Variants in POLR2B observed in about 807,000 individuals in gnomAD.
POLR2B encodes DNA-directed RNA polymerase II subunit RPB2.
POLR2B carries 57 observed loss-of-function variants against 144.6 expected under a neutral mutation model. The observed-to-expected ratio is 0.39, with a 90% CI of 0.32 to 0.49. The LOEUF (loss-of-function observed/expected upper bound fraction) is 0.49. Ranked by LOEUF, POLR2B falls within the 20% of genes least tolerant of loss-of-function variation. The probability of loss-of-function intolerance (pLI) is 0.83; values close to 1 mark genes in which losing one functional copy is unlikely to be tolerated. For missense variants in POLR2B, 595 were observed against 1,467.4 expected (o/e 0.41, Z 9.71); for synonymous variants, 442 against 469.8 (o/e 0.94, Z 0.77).
rs939618093 is a variant in POLR2B at position 57,027,118 on chromosome 4, C to T, written c.3239+1581C>T. On this transcript the variant is annotated intron_variant, in intron 23 of 24. Transcript: ENST00000314595. ...CCGCCTCCCGGATTCAAGCAATTCT[C>T]GTGCCTCGGCCTCCCAAGTAGCTGG... is the stretch of plus-strand genomic sequence containing the variant. Among the ~76,000 whole-genome samples, 7 of 152,028 alleles carry T rather than the reference C, an allele frequency of 4.6e-5. No homozygotes were observed. The East Asian group carries it at 7.8e-4, about 17-fold the overall frequency.
chr4:56,998,221 A>ATTT (rs71657245), intron 6 of POLR2B, among the ~76,000 whole-genome samples: 2 of 143,186 alleles, frequency 1.4e-5, no homozygotes, highest in Non-Finnish European at 1.5e-5. Context: ...TTTTCTTTAA[A>ATTT]TTTTTTTTTT....
Position 57,031,141 on chromosome 4 carries a change from A to G in POLR2B, c.*153A>G. ...TGCTTTTCTTCTGTAAATATATAAT[A>G]AATTTTTGTAGATAGTCTTGATGTG... On this transcript the variant is annotated 3_prime_UTR_variant, in exon 25 of 25. Coordinates refer to ENST00000314595, the MANE Select transcript of POLR2B (RefSeq NM_000938.3). The G allele has an allele frequency of 1.4e-6, 1 of 716,456 alleles. No individual in the cohort carries two copies. Among genetic ancestry groups the G allele is most frequent in the Non-Finnish European group, 2.4e-6 (1 of 418,336 alleles). 44.4% of individuals were successfully genotyped at this position (716,456 alleles called of 1,614,324 possible).
At chr4:57,008,148 C>T (rs919882895) in intron 10 of POLR2B, among the ~76,000 whole-genome samples, 1 of 151,804 alleles carries the variant, frequency 6.6e-6, no homozygotes, top group Non-Finnish European at 1.5e-5. Context: ...GTGTAGCTCA[C>T]TATGCCCTGT....
At chr4:56,996,375 GGTTCAC>G (rs1264393566) in intron 6 of POLR2B, among the ~76,000 whole-genome samples, 1 of 147,338 alleles carries the variant, frequency 6.8e-6, no homozygotes, top group African/African-American at 2.5e-5. Context: ...CCGCCTCCTG[GGTTCAC>G]GCCATTCTCC....
At position 57,030,802 on chromosome 4, in the gene POLR2B, A is replaced by T. The variant is rs893588213; in HGVS notation, c.3436-97A>T. ...TGTTCTCAGCTCCACTCATTTATTC[A>T]TTATCTACAGTACCAGATCTTTGTC... is the stretch of plus-strand genomic sequence containing the variant. On this transcript the variant is annotated intron_variant, in intron 24 of 24. Coordinates refer to ENST00000314595, the MANE Select transcript of POLR2B (RefSeq NM_000938.3). The T allele has an allele frequency of 9.7e-6, 7 of 721,108 alleles. No homozygotes were observed. The African/African-American group carries it at 1.2e-4, about 13-fold the overall frequency. The allele number at this position is 721,108 out of a possible 1,614,324, so 44.7% of individuals were successfully genotyped here.
At chr4:56,983,925 C>T (rs1439657577) in intron 1 of POLR2B, among the ~76,000 whole-genome samples, 1 of 150,856 alleles carries the variant, frequency 6.6e-6, no homozygotes, top group Non-Finnish European at 1.5e-5. Flanking sequence ...AGTGCAGTGG[C>T]GTGATCTCGG....
chr4:56,983,248 A>G (rs1191720490), intron 1 of POLR2B, among the ~76,000 whole-genome samples: 1 of 151,750 alleles, frequency 6.6e-6, no homozygotes, highest in Non-Finnish European at 1.5e-5. Context: ...CCTGTCTTGC[A>G]TTATGGGGTC....
intron 2 of POLR2B, 119 bp from the exon 3 acceptor site, chr4:56,990,629 A>G: frequency 1.2e-6 from 1 of 816,712 alleles, no homozygotes. Context: ...GTTGACATAT[A>G]ATGGTTGGTA....
Position 56,986,403 on chromosome 4 carries a change from A to C in POLR2B, c.69A>C (p.Gln23His). The change falls in exon 2 of 25, where the codon CAA becomes CAC. Residue 23 changes from glutamine (Q) to histidine (H), a missense_variant. Gln to His is a conservative substitution (Grantham distance 24). Around this residue, in one of 9 missense-constraint regions of POLR2B, gnomAD observed 251 missense variants for 567.3 expected, o/e 0.44. Coordinates refer to ENST00000314595, the MANE Select transcript of POLR2B (RefSeq NM_000938.3). ...ATGAAATCACCCCGGATTTGTGGCA[A>C]GAAGCATGCTGGATTGTAATCAGGT... ...DDDEITPDLW[Q>H]EACWIVISSY... 6.2e-7 allele frequency: 1 copy of C among 1,612,540 alleles called. No individual in the cohort carries two copies.
chr4:57,018,053 G>T (rs1723424416), intron 16 of POLR2B, among the ~76,000 whole-genome samples: 1 of 152,086 alleles, frequency 6.6e-6, no homozygotes, highest in African/African-American at 2.4e-5. Flanking sequence ...TTAAGCAAGG[G>T]CCCAGATGGA....
At chr4:57,020,383 C>G (rs11727683) in intron 16 of POLR2B, among the ~76,000 whole-genome samples, 9,575 of 151,966 alleles carry the variant, frequency 0.063, 543 homozygotes, top group East Asian at 0.21. Context: ...TTGGCAGCAG[C>G]AACTAAGAAT....
At chr4:56,995,584 C>T (rs55933616) in intron 6 of POLR2B, among the ~76,000 whole-genome samples, 175 bp downstream of exon 6, 6 of 152,350 alleles carry the variant, frequency 3.9e-5, no homozygotes, top group East Asian at 1.9e-4. Flanking sequence ...TATCATCTCA[C>T]GGCTTCTGTG....
chr4:57,001,981 A>G (rs552265411), intron 7 of POLR2B, among the ~76,000 whole-genome samples: 4 of 152,242 alleles, frequency 2.6e-5, no homozygotes, highest in Admixed American at 1.3e-4. Flanking sequence ...TTACATGAGA[A>G]AATTGGGTTC....
chr4:56,985,866 C>A (rs1158858756), intron 1 of POLR2B, among the ~76,000 whole-genome samples: 3 of 152,158 alleles, frequency 2.0e-5, no homozygotes, highest in Non-Finnish European at 4.4e-5. Flanking sequence ...GGTGCATAGA[C>A]CACTATATGT....
At chr4:57,001,564 A>G (rs780452919) in intron 7 of POLR2B, among the ~76,000 whole-genome samples, 5 of 152,196 alleles carry the variant, frequency 3.3e-5, no homozygotes, top group Non-Finnish European at 7.3e-5. Flanking sequence ...CCCCATGATT[A>G]GATTCAATTT....
intron 13 of POLR2B, among the ~76,000 whole-genome samples, chr4:57,014,643 C>T (rs1471868291): frequency 6.6e-6 from 1 of 151,728 alleles, no homozygotes; most frequent in East Asian, 1.9e-4. Flanking sequence ...GCCGGGACTA[C>T]AGGCACCTGC....
chr4:57,017,519 A>G lies in POLR2B; in HGVS notation c.2155-41A>G. 1 of 1,483,010 alleles carries G rather than the reference A, an allele frequency of 6.7e-7. No homozygotes were observed. 91.9% of individuals were successfully genotyped at this position (1,483,010 alleles called of 1,614,324 possible). A position where few individuals can be genotyped will look rare whatever the true frequency, so the allele number is the denominator to read the frequency against. On this transcript the variant is annotated intron_variant, in intron 15 of 24. Coordinates refer to ENST00000314595, the MANE Select transcript of POLR2B (RefSeq NM_000938.3). The surrounding 1 kb of genome is among the most constrained non-coding windows in gnomAD (Gnocchi z 4.8). The stretch of plus-strand genomic sequence containing the variant: ...TGTCAGAGTCTTTTCCATTAGTGAT[A>G]GTAACTTTTTGTTGTTTCTGCTTTT...
rs140346436 is a variant in POLR2B, at chr4:57,000,187, G to A, written c.900+406G>A. Among the ~76,000 whole-genome samples, 1,116 of 152,326 alleles carry A rather than the reference G, an allele frequency of 7.3e-3. 12 individuals carry two copies. Among genetic ancestry groups the A allele is most frequent in the African/African-American group, 0.025 (1,039 of 41,572 alleles). On this transcript the variant is annotated intron_variant, in intron 7 of 24. Coordinates refer to ENST00000314595, the MANE Select transcript of POLR2B (RefSeq NM_000938.3). ...ATGGTGATTCACGCCTATAATCTCA[G>A]CACTTTGGGAGGCCAGGGCGGGAGG...
intron 6 of POLR2B, among the ~76,000 whole-genome samples, chr4:56,997,966 A>G (rs966518872): frequency 7.9e-5 from 12 of 152,228 alleles, no homozygotes; most frequent in Non-Finnish European, 1.6e-4. Flanking sequence ...AAAGACATAA[A>G]CAGTATATTA....
Sources: gnomAD v4.1 joint callset for allele counts (sites outside exome capture counted in the v4.1 genomes callset) on GRCh38, gnomAD v4.1.1 for gene constraint, gnomAD v4.1.1 regional missense constraint, Gnocchi (gnomAD v3.1) non-coding constraint, MANE v1.5 for transcripts, NCBI Gene and HGNC (gene_info 2026-07-23, HGNC 2026-07-21) for gene names.